METTL8: variants seen among roughly 807,000 people sequenced by gnomAD.
The protein encoded by METTL8 is tRNA N(3)-cytidine methyltransferase METTL8, mitochondrial.
METTL8 carries 32 observed loss-of-function variants against 48.7 expected under a neutral mutation model. That is an observed-to-expected ratio of 0.66 (90% CI 0.50 to 0.88). The LOEUF is 0.88. Ranked by LOEUF, METTL8 falls within the 40% of genes least tolerant of loss-of-function variation. METTL8 has a pLI of 0.00. For synonymous variants in METTL8, 136 were observed against 157.1 expected, an observed-to-expected ratio of 0.87 and a Z score of 1.01; for missense variants, 464 against 474.4, an observed-to-expected ratio of 0.98 and a Z score of 0.20.
intron 1 of METTL8, among the ~76,000 whole-genome samples, chr2:171,394,917 T>C (rs887538498): frequency 6.6e-6 from 1 of 152,188 alleles, no homozygotes; most frequent in Non-Finnish European, 1.5e-5. Context: ...AAGGAAGTGA[T>C]AGAAGAATGT....
rs756521581 is a variant in METTL8, at chr2:171,318,332, C to CA, written c.*5839dup. The CA allele has an allele frequency of 5.9e-5, 9 of 152,180 alleles. No individual in the cohort carries two copies. Among genetic ancestry groups the CA allele is most frequent in the Non-Finnish European group, 1.0e-4 (7 of 68,038 alleles). The allele number at this position is 152,180 out of a possible 1,614,324, so 9.4% of individuals were successfully genotyped here. ...TATTAATGTGGCATTAATGTACATA[C>CA]AATGTTTTAAATAACGATGTTTTCA... On this transcript the variant is annotated 3_prime_UTR_variant, in exon 10 of 10. Transcript: ENST00000375258.
intron 2 of METTL8, among the ~76,000 whole-genome samples, chr2:171,389,795 A>G (rs562071126): frequency 2.6e-5 from 4 of 152,340 alleles, no homozygotes; most frequent in African/African-American, 7.2e-5. Context: ...CCATAGCATA[A>G]AAGTACAAAG....
chr2:171,427,046 G>A (rs1009158134), intron 1 of METTL8, among the ~76,000 whole-genome samples: 5 of 152,166 alleles, frequency 3.3e-5, no homozygotes, highest in Non-Finnish European at 7.4e-5. Context: ...TAAAATCCAG[G>A]CATTGTTTCT....
At chr2:171,407,777 AC>A (rs1233793060) in intron 1 of METTL8, among the ~76,000 whole-genome samples, 1 of 152,256 alleles carries the variant, frequency 6.6e-6, no homozygotes, top group Non-Finnish European at 1.5e-5. Flanking sequence ...TATAACTGCT[AC>A]TTGATTTCAG....
intron 3 of METTL8, among the ~76,000 whole-genome samples, chr2:171,358,120 G>A (rs989134205): frequency 6.6e-6 from 1 of 152,116 alleles, no homozygotes; most frequent in Admixed American, 6.5e-5. Context: ...GGAGGCAGAG[G>A]TGGGCGGATC....
intron 2 of METTL8, among the ~76,000 whole-genome samples, chr2:171,380,437 T>C (rs1687400400): frequency 6.6e-6 from 1 of 152,146 alleles, no homozygotes; most frequent in African/African-American, 2.4e-5. Context: ...TGTATTCAAA[T>C]AGGAAGAGAG....
chr2:171,325,734 A>G, intron 9 of METTL8, 107 bp downstream of exon 9: 1 of 690,936 alleles, frequency 1.4e-6, no homozygotes, highest in Non-Finnish European at 2.5e-6. Flanking sequence ...TCTAATGCTT[A>G]ATCAATGACT....
intron 2 of METTL8, among the ~76,000 whole-genome samples, chr2:171,378,451 G>T (rs1687189147): frequency 6.6e-6 from 1 of 152,090 alleles, no homozygotes. Flanking sequence ...GGCCAACATA[G>T]TGAAACCCCA....
At position 171,324,444 on chromosome 2, in the gene METTL8, C is replaced by A. The variant is rs1684723132; in HGVS notation, c.1034-82G>T. 4 of 1,174,092 alleles carry A rather than the reference C, an allele frequency of 3.4e-6. No homozygotes were observed. In the South Asian group the frequency reaches 6.2e-5, roughly 18 times the overall value. The allele number at this position is 1,174,092 out of a possible 1,614,324, so 72.7% of individuals were successfully genotyped here. ...CAGGAGTAGAACACTGATGGAATAA[C>A]TGACCATCTAAATTTCATTTATACA... On this transcript the variant is annotated intron_variant, in intron 9 of 9. Coordinates refer to ENST00000375258, the MANE Select transcript of METTL8 (RefSeq NM_001321154.2).
chr2:171,363,796 A>ATATATATATATATATATATATATG (rs1019814294), intron 2 of METTL8, among the ~76,000 whole-genome samples: 2 of 117,394 alleles, frequency 1.7e-5, no homozygotes, highest in African/African-American at 3.1e-5. Flanking sequence ...CAAATTTTAT[A>ATATATATATATATATATATATATG]TATATATATA....
chr2:171,362,283 G>GGGGGAGA (rs1685242608), intron 2 of METTL8, among the ~76,000 whole-genome samples: 1 of 152,114 alleles, frequency 6.6e-6, no homozygotes, highest in Non-Finnish European at 1.5e-5. Flanking sequence ...AGGAAGGAAA[G>GGGGGAGA]GGGGAGAGGG....
At chr2:171,349,532 T>C (rs998270369) in intron 3 of METTL8, among the ~76,000 whole-genome samples, 2 of 152,218 alleles carry the variant, frequency 1.3e-5, no homozygotes, top group African/African-American at 2.4e-5. Flanking sequence ...CCATTTTATG[T>C]ATATACCACA....
At chr2:171,407,756 T>C (rs1483756796) in intron 1 of METTL8, among the ~76,000 whole-genome samples, 2 of 152,258 alleles carry the variant, frequency 1.3e-5, no homozygotes, top group Non-Finnish European at 2.9e-5. Flanking sequence ...TAAAATTCAA[T>C]AGGAGCCATG....
chr2:171,338,048 TGTTTTAAAA>T (rs1320031379), intron 4 of METTL8, among the ~76,000 whole-genome samples: 1 of 152,192 alleles, frequency 6.6e-6, no homozygotes, highest in African/African-American at 2.4e-5. Flanking sequence ...GTGGGCAATA[TGTTTTAAAA>T]GTATTAAAAA....
intron 4 of METTL8, 102 bp downstream of exon 4, chr2:171,339,082 T>C (rs1351573202): frequency 3.0e-6 from 3 of 989,946 alleles, no homozygotes; most frequent in African/African-American, 3.2e-5. Flanking sequence ...TTACATTTGA[T>C]AGTTTTCCAC....
chr2:171,432,308 A>G (rs1176705478), intron 1 of METTL8, among the ~76,000 whole-genome samples: 1 of 152,222 alleles, frequency 6.6e-6, no homozygotes, highest in African/African-American at 2.4e-5. Context: ...TGAGGCCCTA[A>G]ATTACTTAGG....
chr2:171,369,222 C>T (rs1478802763), intron 2 of METTL8, among the ~76,000 whole-genome samples: 4 of 152,226 alleles, frequency 2.6e-5, no homozygotes, highest in African/African-American at 9.6e-5. Context: ...AAGAGAATGG[C>T]ATGAACCCGG....
intron 2 of METTL8, chr2:171,375,261 C>A: frequency 1.9e-6 from 2 of 1,059,486 alleles, no homozygotes; most frequent in African/African-American, 1.5e-5. Context: ...GACCGTTGTT[C>A]CTTCTTTTCT....
chr2:171,341,805 G>A (rs1686801639), intron 3 of METTL8, among the ~76,000 whole-genome samples: 1 of 149,732 alleles, frequency 6.7e-6, no homozygotes, highest in Non-Finnish European at 1.5e-5. Context: ...AAGAAAATAC[G>A]CATGTATGGT....
Sources: gnomAD v4.1 joint callset for allele counts (sites outside exome capture counted in the v4.1 genomes callset) on GRCh38, gnomAD v4.1.1 for gene constraint, MANE v1.5 for transcripts, NCBI Gene and HGNC (gene_info 2026-07-23, HGNC 2026-07-21) for gene names.